The following CNTNAP2 variants were observed in gnomAD, a reference collection of about 807,000 sequenced individuals.
CNTNAP2 encodes contactin-associated protein-like 2.
A neutral mutation model predicts 155.2 loss-of-function variants in CNTNAP2; 98 were observed. That is an observed-to-expected ratio of 0.63 (90% CI 0.54 to 0.75). CNTNAP2 has a LOEUF of 0.75. Ranked by LOEUF, CNTNAP2 falls within the 30% of genes least tolerant of loss-of-function variation. CNTNAP2 has a pLI of 0.00. For synonymous variants in CNTNAP2, 651 were observed against 631.2 expected (o/e 1.03, Z -0.47); for missense variants, 1,727 against 1,688.1 (o/e 1.02, Z -0.40).
chr7:147,033,190 A>ATG (rs1554427724), intron 3 of CNTNAP2, among the ~76,000 whole-genome samples: 55 of 92,488 alleles, frequency 5.9e-4, no homozygotes, highest in Admixed American at 1.6e-3. Context: ...ATATATATAT[A>ATG]TATATATATA....
intron 1 of CNTNAP2, among the ~76,000 whole-genome samples, chr7:146,208,109 A>G (rs544254743): frequency 2.0e-5 from 3 of 152,168 alleles, no homozygotes; most frequent in African/African-American, 7.2e-5. Context: ...TATTCATACT[A>G]TATATGACTT....
chr7:146,130,855 G>A (rs1207141128), intron 1 of CNTNAP2, among the ~76,000 whole-genome samples: 3 of 152,086 alleles, frequency 2.0e-5, no homozygotes, highest in African/African-American at 7.2e-5. Flanking sequence ...AGCATGAAGC[G>A]GGAGGATCCC....
intron 1 of CNTNAP2, among the ~76,000 whole-genome samples, chr7:146,367,080 C>T (rs866815383): frequency 2.6e-5 from 4 of 152,090 alleles, no homozygotes; most frequent in East Asian, 3.9e-4. Context: ...GAACAAACAA[C>T]ATTCTCATCT....
chr7:147,683,163 C>T (rs939894606), intron 13 of CNTNAP2, among the ~76,000 whole-genome samples: 1 of 151,880 alleles, frequency 6.6e-6, no homozygotes, highest in Admixed American at 6.6e-5. Context: ...GTTCAAGTAA[C>T]AAAAGTTACC....
At chr7:146,315,203 C>T (rs1800887267) in intron 1 of CNTNAP2, among the ~76,000 whole-genome samples, 1 of 152,198 alleles carries the variant, frequency 6.6e-6, no homozygotes, top group South Asian at 2.1e-4. Context: ...GATCTAGGGG[C>T]TACCGCTGCT....
At chr7:147,636,174 T>C (rs1370609638) in intron 12 of CNTNAP2, among the ~76,000 whole-genome samples, 1 of 152,122 alleles carries the variant, frequency 6.6e-6, no homozygotes, top group Non-Finnish European at 1.5e-5. Context: ...AACTGGAATA[T>C]ATTTATTCTA....
intron 8 of CNTNAP2, among the ~76,000 whole-genome samples, chr7:147,299,125 C>T (rs1459445540): frequency 6.6e-6 from 1 of 152,096 alleles, no homozygotes; most frequent in African/African-American, 2.4e-5. Context: ...GCACAAAATA[C>T]CCCCCACCCA....
intron 10 of CNTNAP2, among the ~76,000 whole-genome samples, chr7:147,466,526 G>A (rs537196339): frequency 1.3e-5 from 2 of 152,274 alleles, no homozygotes; most frequent in African/African-American, 4.8e-5. Context: ...CTAGACACAG[G>A]AGAGCAGGAA....
At chr7:146,862,032 A>C (rs569970289) in intron 3 of CNTNAP2, among the ~76,000 whole-genome samples, 1 of 152,230 alleles carries the variant, frequency 6.6e-6, no homozygotes, top group Admixed American at 6.5e-5. Context: ...CTCTTGTATA[A>C]AGGCTAACAT....
intron 15 of CNTNAP2, among the ~76,000 whole-genome samples, chr7:148,091,172 A>G (rs983110947): frequency 6.6e-6 from 1 of 152,172 alleles, no homozygotes; most frequent in African/African-American, 2.4e-5. Flanking sequence ...ACTACAGCTA[A>G]TGACAACATA....
At chr7:146,602,171 A>G (rs112795719) in intron 1 of CNTNAP2, among the ~76,000 whole-genome samples, 1 of 152,148 alleles carries the variant, frequency 6.6e-6, no homozygotes, top group Non-Finnish European at 1.5e-5. Context: ...GGAAAGATGT[A>G]TGTTAATTTG....
intron 1 of CNTNAP2, among the ~76,000 whole-genome samples, chr7:146,179,347 C>T (rs947733797): frequency 8.6e-5 from 13 of 151,798 alleles, no homozygotes; most frequent in African/African-American, 3.2e-4. Context: ...GTAATTGACC[C>T]TAAAATAATT....
At chr7:147,373,368 T>G (rs975123333) in intron 9 of CNTNAP2, among the ~76,000 whole-genome samples, 1 of 152,096 alleles carries the variant, frequency 6.6e-6, no homozygotes, top group Non-Finnish European at 1.5e-5. Flanking sequence ...CAGAAGTTGA[T>G]GTAGTTTTAA....
intron 11 of CNTNAP2, among the ~76,000 whole-genome samples, chr7:147,519,417 C>T (rs138040259): frequency 2.1e-3 from 313 of 152,294 alleles, no homozygotes; most frequent in African/African-American, 6.7e-3. Flanking sequence ...AATCTCCTAC[C>T]TCAAGATCCT....
chr7:147,972,962 G>A (rs1324140592), intron 14 of CNTNAP2, among the ~76,000 whole-genome samples: 1 of 151,794 alleles, frequency 6.6e-6, no homozygotes, highest in Non-Finnish European at 1.5e-5. Context: ...ACCACTCTGG[G>A]CACAAAAGCA....
At chr7:146,985,590 G>T (rs1047947837) in intron 3 of CNTNAP2, among the ~76,000 whole-genome samples, 4 of 152,070 alleles carry the variant, frequency 2.6e-5, no homozygotes, top group Admixed American at 1.3e-4. Flanking sequence ...AAAGTGCTAG[G>T]ATTACAGGCG....
intron 1 of CNTNAP2, among the ~76,000 whole-genome samples, chr7:146,624,096 C>T (rs1435023531): frequency 1.3e-5 from 2 of 151,784 alleles, no homozygotes; most frequent in Non-Finnish European, 2.9e-5. Flanking sequence ...ATAAATAGCC[C>T]AATTTAGTAA....
chr7:147,977,862 G>C lies in CNTNAP2; in HGVS notation c.2256G>C (p.Trp752Cys), dbSNP rs147532036. ...YCNCDADYKQWRKDAGFLSYK... is the reference protein window; with the variant it reads ...YCNCDADYKQCRKDAGFLSYK... ...TTTTCTGTCTTTCCCTGTGATCCAG[G>C]AGGAAGGATGCTGGTTTCTTATCAT... Residue 752 changes from tryptophan (W) to cysteine (C), a missense_variant and splice_region_variant, in exon 15 of 24, where the codon TGG (tryptophan) becomes TGC (cysteine). Physicochemically the swap from Trp to Cys is radical, Grantham distance 215 (BLOSUM62 -2). Transcript: ENST00000361727. 13 of 1,614,076 alleles carry C rather than the reference G, an allele frequency of 8.1e-6. No homozygotes were observed. The Admixed American group carries it at 1.7e-4, about 21-fold the overall frequency.
intron 1 of CNTNAP2, among the ~76,000 whole-genome samples, chr7:146,558,416 T>TAAG (rs1798229020): frequency 6.6e-6 from 1 of 152,136 alleles, no homozygotes; most frequent in African/African-American, 2.4e-5. Context: ...ACTTTTTTTT[T>TAAG]AACCACTTTA....
Sources: gnomAD v4.1 joint callset for allele counts (sites outside exome capture counted in the v4.1 genomes callset) on GRCh38, gnomAD v4.1.1 for gene constraint, MANE v1.5 for transcripts, NCBI Gene and HGNC (gene_info 2026-07-23, HGNC 2026-07-21) for gene names.